POLR2F: variants seen among roughly 807,000 people sequenced by gnomAD.
POLR2F encodes the protein DNA-directed RNA polymerases I, II, and III subunit RPABC2.
A neutral mutation model predicts 22.7 loss-of-function variants in POLR2F; 12 were observed. The ratio of observed to expected loss-of-function variants is 0.53; its 90% confidence interval spans 0.34 to 0.86. POLR2F has a LOEUF of 0.86. Ranked by LOEUF, POLR2F falls within the 40% of genes least tolerant of loss-of-function variation. POLR2F has a pLI of 0.02. For missense variants in POLR2F, 126 were observed against 171.5 expected (o/e 0.73, Z 1.48); for synonymous variants, 57 against 66.0 (o/e 0.86, Z 0.66).
In POLR2F at chr22:37,967,733, G is replaced by T. The variant is rs769760801; in HGVS notation, c.*18G>T. 2 of 1,599,592 alleles carry T rather than the reference G, an allele frequency of 1.3e-6. No homozygotes were observed. On this transcript the variant is annotated 3_prime_UTR_variant, in exon 5 of 5. Transcript: ENST00000442738. ...CCGACTGAGCTGGAGTCATCTTCCT[G>T]CCCTTGCCCCATGCCCAATTTTCAT...
intron 1 of POLR2F, among the ~76,000 whole-genome samples, chr22:38,024,665 G>A (rs901432847): frequency 8.5e-5 from 13 of 152,122 alleles, no homozygotes; most frequent in Non-Finnish European, 2.9e-5. Flanking sequence ...GGAGGTGGGG[G>A]TGCAATCCAT....
intron 3 of POLR2F, 112 bp downstream of exon 3, chr22:37,959,588 C>G: frequency 7.9e-7 from 1 of 1,268,170 alleles, no homozygotes; most frequent in Non-Finnish European, 1.1e-6. Context: ...CTCTCACATT[C>G]CAAAAGTGGT....
At chr22:38,038,051 C>A (rs1323681121) in intron 5 of POLR2F, among the ~76,000 whole-genome samples, 1 of 150,868 alleles carries the variant, frequency 6.6e-6, no homozygotes, top group East Asian at 1.9e-4. Context: ...TTTAGAACAA[C>A]TTGCCTATTA....
At chr22:38,029,202 G>C (rs994817115), downstream of POLR2F, among the ~76,000 whole-genome samples, 1 of 152,184 alleles carries the variant, frequency 6.6e-6, no homozygotes, top group Non-Finnish European at 1.5e-5. Context: ...AAGGAGTGGG[G>C]CATATCACAG....
At chr22:38,025,663 C>T (rs750345248) in intron 1 of POLR2F, 15 of 1,561,606 alleles carry the variant, frequency 9.6e-6, no homozygotes, top group Non-Finnish European at 1.3e-5. Flanking sequence ...TCTCCTCCCG[C>T]TGACTTCTCC....
chr22:38,027,369 C>T (rs567752446), downstream of POLR2F, among the ~76,000 whole-genome samples: 8 of 152,156 alleles, frequency 5.3e-5, no homozygotes, highest in South Asian at 2.1e-4. Flanking sequence ...GAAATGGAGG[C>T]GTGTCACCCA....
At chr22:37,958,667 T>C (rs1931501415) in intron 2 of POLR2F, among the ~76,000 whole-genome samples, 1 of 152,166 alleles carries the variant, frequency 6.6e-6, no homozygotes, top group African/African-American at 2.4e-5. Flanking sequence ...TCCTTCTAGG[T>C]GAGCTCAAGC....
chr22:37,984,028 G>T (rs1932494361), upstream of POLR2F, among the ~76,000 whole-genome samples: 1 of 151,974 alleles, frequency 6.6e-6, no homozygotes, highest in African/African-American at 2.4e-5. The surrounding 1 kb of genome is among the most constrained non-coding windows in gnomAD (Gnocchi z 4.4). Flanking sequence ...AGGTGGGTGC[G>T]TCCCGCCTCT....
chr22:37,973,382 T>TTCAGCCTCC, downstream of POLR2F: 1 of 731,426 alleles, frequency 1.4e-6, no homozygotes, highest in Non-Finnish European at 2.2e-6. Context: ...TGTCAGCCTC[T>TTCAGCCTCC]TCAGCCTCCT....
At chr22:37,975,833 G>A (rs1003891184) in intron 4 of POLR2F, among the ~76,000 whole-genome samples, 5 of 152,302 alleles carry the variant, frequency 3.3e-5, no homozygotes, top group Non-Finnish European at 7.3e-5. Context: ...CTGGTGGGCA[G>A]TGGGGTGTTC....
upstream of POLR2F, chr22:37,986,191 C>T (rs1390855193): frequency 1.3e-6 from 2 of 1,543,112 alleles, no homozygotes; most frequent in Admixed American, 3.9e-5. This position sits in a 1 kb window ranked among gnomAD's most constrained non-coding sequence, Gnocchi z 4.7. Context: ...AGAGGAGCCG[C>T]CCTGGATGGA....
At position 38,017,704 on chromosome 22, in the gene POLR2F, C is replaced by T. The variant is rs1259525118; in HGVS notation, c.121-8165C>T. ...ACTTCCTGTAGGTCTCTCTGTAGCA[C>T]CAGCCAAGAAGTCACCCGCCCCCGC... On this transcript the variant is annotated intron_variant, in intron 1 of 2. Transcript: ENST00000333418. This position sits in a 1 kb window ranked among gnomAD's most constrained non-coding sequence, Gnocchi z 4.1. Among the ~76,000 whole-genome samples the T allele has an allele frequency of 6.6e-6, 1 of 152,192 alleles. No homozygotes were observed. The highest frequency in any genetic ancestry group is 1.5e-5 in the Non-Finnish European group (1 of 68,038).
Position 37,967,813 on chromosome 22 carries a change from T to A in POLR2F, c.*98T>A. 6.8e-7 allele frequency: 1 copy of A among 1,479,406 alleles called. No homozygotes were observed. 91.6% of individuals were successfully genotyped at this position (1,479,406 alleles called of 1,614,324 possible). A position where few individuals can be genotyped will look rare whatever the true frequency, so the allele number is the denominator to read the frequency against. ...ATTCAACTTTCCAACCCCCTTCCCCTCTGCTTATCTGCAATGTCACCACCT... is the reference window on the plus strand; with the variant it reads ...ATTCAACTTTCCAACCCCCTTCCCCACTGCTTATCTGCAATGTCACCACCT... On this transcript the variant is annotated 3_prime_UTR_variant, in exon 5 of 5. Transcript: ENST00000442738.
intron 1 of POLR2F, among the ~76,000 whole-genome samples, chr22:37,990,582 A>G (rs888407955): frequency 2.6e-5 from 4 of 152,226 alleles, no homozygotes; most frequent in African/African-American, 9.6e-5. Context: ...GGTGAGAGAG[A>G]CCAGACCTTG....
chr22:37,963,979 A>G (rs1425736398), intron 3 of POLR2F, among the ~76,000 whole-genome samples: 3 of 151,998 alleles, frequency 2.0e-5, no homozygotes, highest in Admixed American at 6.6e-5. Context: ...GCGCGCGCCT[A>G]TAATCCCAGC....
intron 1 of POLR2F, among the ~76,000 whole-genome samples, chr22:38,021,352 A>G (rs1005682478): frequency 2.6e-5 from 4 of 152,196 alleles, no homozygotes; most frequent in Non-Finnish European, 4.4e-5. Flanking sequence ...TTTGATAAGA[A>G]AAACTCTGGT....
At chr22:38,019,712 C>T (rs1179098817) in intron 1 of POLR2F, among the ~76,000 whole-genome samples, 1 of 152,206 alleles carries the variant, frequency 6.6e-6, no homozygotes, top group Non-Finnish European at 1.5e-5. Flanking sequence ...CTTCCCTGGC[C>T]TCTTAAGAAG....
At chr22:38,018,660 G>A (rs1241424301) in intron 1 of POLR2F, among the ~76,000 whole-genome samples, 1 of 152,182 alleles carries the variant, frequency 6.6e-6, no homozygotes, top group African/African-American at 2.4e-5. Context: ...TCCTGAATGT[G>A]CAGTTTTTGC....
In POLR2F at chr22:37,994,753, G is replaced by A. The variant is rs187211051; in HGVS notation, c.120+8441G>A. On this transcript the variant is annotated intron_variant, in intron 1 of 2. Coordinates refer to the POLR2F transcript ENST00000333418. ...GAGCTCCTGACCTGGTGATCCACCCGCCTTGGCCTCCCAAGGTGCTGGGAT... is the reference window on the plus strand; with the variant it reads ...GAGCTCCTGACCTGGTGATCCACCCACCTTGGCCTCCCAAGGTGCTGGGAT... Among the ~76,000 whole-genome samples, 505 of 152,294 alleles carry A rather than the reference G, an allele frequency of 3.3e-3. 3 individuals carry two copies. The highest frequency in any genetic ancestry group is 0.012 in the African/African-American group (479 of 41,564).
Sources: allele counts gnomAD v4.1 joint callset (sites outside exome capture counted in the v4.1 genomes callset), GRCh38; gene constraint gnomAD v4.1.1; non-coding constraint Gnocchi (gnomAD v3.1); transcripts MANE v1.5; gene names NCBI Gene and HGNC (gene_info 2026-07-23, HGNC 2026-07-21).